Variants in ACER2 observed in about 807,000 individuals in gnomAD.
The protein encoded by ACER2 is alkaline ceramidase 2.
In ACER2, 26 loss-of-function variants were observed where a neutral mutation model predicts 34.7. The ratio of observed to expected loss-of-function variants is 0.75; its 90% CI spans 0.55 to 1.04. The LOEUF is 1.04. Ranked by LOEUF, ACER2 falls within the 50% of genes least tolerant of loss-of-function variation. The pLI, the probability that ACER2 is intolerant of heterozygous loss-of-function variation, is 0.00. For missense variants in ACER2, 352 were observed against 340.8 expected (o/e 1.03, Z -0.26); for synonymous variants, 138 against 132.1 (o/e 1.04, Z -0.31).
At chr9:19,418,606 C>G (rs543014745) in intron 1 of ACER2, among the ~76,000 whole-genome samples, 1 of 152,222 alleles carries the variant, frequency 6.6e-6, no homozygotes, top group Admixed American at 6.5e-5. Flanking sequence ...AACAGAAAAC[C>G]AAACACTGTA....
At chr9:19,417,594 C>G (rs1313934267) in intron 1 of ACER2, among the ~76,000 whole-genome samples, 1 of 152,058 alleles carries the variant, frequency 6.6e-6, no homozygotes, top group Non-Finnish European at 1.5e-5. Context: ...TTTGACAAAC[C>G]TGACAAAAAC....
At chr9:19,423,810 T>C in intron 1 of ACER2, 52 bp from the exon 2 acceptor site, 1 of 1,384,794 alleles carries the variant, frequency 7.2e-7, no homozygotes, top group Non-Finnish European at 1.0e-6. Context: ...ACTTTATTTT[T>C]TGCCCTTTTT....
At chr9:19,419,168 G>C (rs550238170) in intron 1 of ACER2, among the ~76,000 whole-genome samples, 2 of 152,176 alleles carry the variant, frequency 1.3e-5, no homozygotes, top group South Asian at 4.2e-4. Context: ...TTCAGCCTGG[G>C]CAACAAGAGC....
At chr9:19,441,142 C>A (rs1317560850) in intron 4 of ACER2, among the ~76,000 whole-genome samples, 1 of 151,724 alleles carries the variant, frequency 6.6e-6, no homozygotes, top group East Asian at 1.9e-4. Flanking sequence ...CTCCGCCTCC[C>A]GGGTTCAAGC....
chr9:19,413,874 C>T (rs1240436343), intron 1 of ACER2, among the ~76,000 whole-genome samples: 7 of 152,200 alleles, frequency 4.6e-5, no homozygotes, highest in South Asian at 2.1e-4. Context: ...TCCTAAGTCC[C>T]GCTCTCTTCA....
intron 4 of ACER2, among the ~76,000 whole-genome samples, chr9:19,436,915 T>A (rs1830994793): frequency 6.6e-6 from 1 of 152,248 alleles, no homozygotes; most frequent in East Asian, 1.9e-4. Flanking sequence ...CTTGGCTGTC[T>A]GAAGAATCTG....
intron 3 of ACER2, among the ~76,000 whole-genome samples, chr9:19,428,292 C>T (rs1165615508): frequency 2.6e-5 from 4 of 151,934 alleles, no homozygotes; most frequent in South Asian, 4.1e-4. Flanking sequence ...CTCAGCCTCC[C>T]GAGTCGCTGG....
intron 3 of ACER2, among the ~76,000 whole-genome samples, chr9:19,433,581 G>A (rs1207882712): frequency 6.6e-6 from 1 of 152,214 alleles, no homozygotes; most frequent in African/African-American, 2.4e-5. Context: ...GCAACCATCC[G>A]ATTTCTCAAT....
intron 4 of ACER2, among the ~76,000 whole-genome samples, chr9:19,442,287 C>T (rs1041406822): frequency 2.0e-5 from 3 of 152,230 alleles, no homozygotes; most frequent in African/African-American, 7.2e-5. Context: ...TCAGACTTTT[C>T]TCTTGTAGAA....
At chr9:19,435,189 G>A (rs1830920769) in intron 4 of ACER2, 105 bp downstream of exon 4, 2 of 1,388,658 alleles carry the variant, frequency 1.4e-6, no homozygotes, top group Non-Finnish European at 9.7e-7. Context: ...TTTATTCCTT[G>A]TGAAGAGTTA....
At chr9:19,417,282 A>G (rs147022328) in intron 1 of ACER2, among the ~76,000 whole-genome samples, 15,962 of 152,258 alleles carry the variant, frequency 0.1, 1,706 homozygotes, top group African/African-American at 0.27. Flanking sequence ...CAAAATCATG[A>G]AAATGGCCAT....
intron 4 of ACER2, among the ~76,000 whole-genome samples, chr9:19,436,690 C>T (rs1420513262): frequency 8.5e-5 from 13 of 152,182 alleles, no homozygotes; most frequent in Admixed American, 7.9e-4. Flanking sequence ...TTTTAAATGG[C>T]CATGTAGGAT....
At chr9:19,446,611 C>T (rs1465230424) in intron 5 of ACER2, 193 bp downstream of exon 5, 1 of 985,298 alleles carries the variant, frequency 1.0e-6, no homozygotes, top group Non-Finnish European at 1.2e-6. Flanking sequence ...CTCCAGGGAG[C>T]AGGCTTAGCC....
chr9:19,415,676 A>C (rs961717921), intron 1 of ACER2, among the ~76,000 whole-genome samples: 1 of 152,200 alleles, frequency 6.6e-6, no homozygotes, highest in African/African-American at 2.4e-5. Flanking sequence ...TAACCCAAGA[A>C]AGCCATTGCG....
intron 1 of ACER2, among the ~76,000 whole-genome samples, chr9:19,412,591 G>T (rs1830116499): frequency 6.7e-6 from 1 of 149,764 alleles, no homozygotes; most frequent in African/African-American, 2.5e-5. Flanking sequence ...GGAGGTGAAG[G>T]TTGCAGTAAG....
At chr9:19,425,709 G>A (rs1439719907) in intron 3 of ACER2, among the ~76,000 whole-genome samples, 1 of 152,160 alleles carries the variant, frequency 6.6e-6, no homozygotes, top group East Asian at 1.9e-4. Flanking sequence ...AGCTGTGTGA[G>A]GTTTGTTACT....
At chr9:19,429,947 C>T (rs1830697751) in intron 3 of ACER2, among the ~76,000 whole-genome samples, 1 of 152,082 alleles carries the variant, frequency 6.6e-6, no homozygotes, top group Non-Finnish European at 1.5e-5. Flanking sequence ...TGGATCTTAA[C>T]CAGGGACATT....
At chr9:19,421,942 G>C (rs946495202) in intron 1 of ACER2, among the ~76,000 whole-genome samples, 3 of 152,118 alleles carry the variant, frequency 2.0e-5, no homozygotes, top group Non-Finnish European at 4.4e-5. Flanking sequence ...GAGGCTTGTT[G>C]TGAGTGTGAA....
At chr9:19,443,248 G>C (rs1225172295) in intron 4 of ACER2, among the ~76,000 whole-genome samples, 3 of 152,106 alleles carry the variant, frequency 2.0e-5, no homozygotes, top group African/African-American at 7.2e-5. Context: ...TAGCCAGGAT[G>C]GTCTTGATCT....
Sources: allele counts gnomAD v4.1 joint callset (sites outside exome capture counted in the v4.1 genomes callset), GRCh38; gene constraint gnomAD v4.1.1; transcripts MANE v1.5; gene names NCBI Gene and HGNC (gene_info 2026-07-23, HGNC 2026-07-21).